CACNA1D: variants seen among roughly 807,000 people sequenced by gnomAD.
CACNA1D encodes voltage-dependent L-type calcium channel subunit alpha-1D.
A neutral mutation model predicts 257.1 loss-of-function variants in CACNA1D; 55 were observed. The observed-to-expected ratio is 0.21, with a 90% CI of 0.17 to 0.27. CACNA1D has a LOEUF of 0.27. CACNA1D is among the 10% of genes least tolerant of loss of function. The pLI is 1.00. For missense variants in CACNA1D, 1,876 were observed against 2,784.0 expected (o/e 0.67, Z 7.34); for synonymous variants, 980 against 1,014.9 (o/e 0.97, Z 0.65).
intron 3 of CACNA1D, among the ~76,000 whole-genome samples, chr3:53,604,352 G>A (rs949367742): frequency 1.3e-5 from 2 of 152,200 alleles, no homozygotes; most frequent in Admixed American, 1.3e-4. Flanking sequence ...CCAGCAGATG[G>A]GGAGTGGAGC....
intron 12 of CACNA1D, among the ~76,000 whole-genome samples, 154 bp downstream of exon 12, chr3:53,722,628 C>A (rs2094893722): frequency 6.6e-6 from 1 of 152,200 alleles, no homozygotes; most frequent in Admixed American, 6.5e-5. Context: ...CAGCAACTAC[C>A]AGAGCGAGGG....
At chr3:53,671,189 TGTTA>T (rs2108398746) in intron 7 of CACNA1D, among the ~76,000 whole-genome samples, 1 of 152,344 alleles carries the variant, frequency 6.6e-6, no homozygotes, top group African/African-American at 2.4e-5. Flanking sequence ...AGAAGACAGC[TGTTA>T]CTAGAGCCAT....
chr3:53,693,486 T>C (rs2108537730), intron 8 of CACNA1D, among the ~76,000 whole-genome samples: 1 of 151,544 alleles, frequency 6.6e-6, no homozygotes, highest in South Asian at 2.1e-4. Flanking sequence ...TTTTACAAAA[T>C]TCCTAGTTTC....
chr3:53,786,760 G>A (rs1319415591), intron 39 of CACNA1D, 62 bp from the exon 40 acceptor site: 1 of 971,076 alleles, frequency 1.0e-6, no homozygotes, highest in African/African-American at 1.9e-5. Context: ...CCAGAAGCAA[G>A]TGTTTAGGCT....
At chr3:53,551,857 C>G (rs2092542034) in intron 3 of CACNA1D, among the ~76,000 whole-genome samples, 1 of 152,212 alleles carries the variant, frequency 6.6e-6, no homozygotes, top group Non-Finnish European at 1.5e-5. Flanking sequence ...TGTGCAGCAG[C>G]TGATGGTGAG....
intron 42 of CACNA1D, 133 bp from the exon 43 acceptor site, chr3:53,802,014 C>A: frequency 1.2e-6 from 1 of 804,216 alleles, no homozygotes; most frequent in Non-Finnish European, 2.3e-6. Flanking sequence ...CAGGTGGCAG[C>A]CCCTATGTGG....
chr3:53,681,835 C>A (rs1246301741), intron 8 of CACNA1D, among the ~76,000 whole-genome samples: 1 of 152,162 alleles, frequency 6.6e-6, no homozygotes, highest in Non-Finnish European at 1.5e-5. Flanking sequence ...GAGTAGTCCA[C>A]ATATCCAGGC....
chr3:53,589,865 T>G (rs2093277115), intron 3 of CACNA1D, among the ~76,000 whole-genome samples: 1 of 152,280 alleles, frequency 6.6e-6, no homozygotes, highest in South Asian at 2.1e-4. Context: ...CACTTCCACT[T>G]GCATACCCTG....
intron 3 of CACNA1D, among the ~76,000 whole-genome samples, chr3:53,517,930 A>G (rs966435609): frequency 6.6e-6 from 1 of 152,210 alleles, no homozygotes; most frequent in Non-Finnish European, 1.5e-5. Context: ...TAGGCAAGCA[A>G]ATGTTATTTC....
At chr3:53,760,192 C>A (rs1230463556) in intron 29 of CACNA1D, among the ~76,000 whole-genome samples, 1 of 152,084 alleles carries the variant, frequency 6.6e-6, no homozygotes, top group Non-Finnish European at 1.5e-5. Flanking sequence ...AAGAAGCAAA[C>A]CCGAAGTCAG....
chr3:53,513,974 C>A (rs1199039582), intron 3 of CACNA1D, among the ~76,000 whole-genome samples: 1 of 152,166 alleles, frequency 6.6e-6, no homozygotes, highest in Non-Finnish European at 1.5e-5. Flanking sequence ...TGTGTAAGTA[C>A]ACTCCGTGTT....
intron 8 of CACNA1D, among the ~76,000 whole-genome samples, chr3:53,688,420 G>T (rs2094492110): frequency 6.6e-6 from 1 of 152,182 alleles, no homozygotes; most frequent in Non-Finnish European, 1.5e-5. Context: ...TCCAAATCAA[G>T]GCTTTTTCTT....
At chr3:53,639,872 T>C (rs1438276754) in intron 3 of CACNA1D, among the ~76,000 whole-genome samples, 4 of 148,280 alleles carry the variant, frequency 2.7e-5, no homozygotes, top group Non-Finnish European at 4.5e-5. Context: ...TTTTTTTTTT[T>C]TTTTTTTTTG....
At chr3:53,501,764 C>T (rs747506509) in intron 3 of CACNA1D, 44 bp downstream of exon 3, 1 of 1,095,930 alleles carries the variant, frequency 9.1e-7, no homozygotes, top group Non-Finnish European at 1.4e-6. Flanking sequence ...ATATGGTTAT[C>T]ATTTGCTTCT....
intron 26 of CACNA1D, among the ~76,000 whole-genome samples, chr3:53,748,331 C>T (rs545564079): frequency 1.1e-4 from 17 of 152,242 alleles, no homozygotes; most frequent in African/African-American, 4.1e-4. Flanking sequence ...GGCTGGGGCT[C>T]GCAGGCCAGC....
At chr3:53,668,511 T>A (rs377271604) in intron 7 of CACNA1D, among the ~76,000 whole-genome samples, 1 of 152,194 alleles carries the variant, frequency 6.6e-6, no homozygotes, top group Non-Finnish European at 1.5e-5. Flanking sequence ...GCATCTTTAT[T>A]CTGGTGGGGA....
chr3:53,802,516 G>A (rs2095541418), intron 43 of CACNA1D, among the ~76,000 whole-genome samples: 1 of 152,222 alleles, frequency 6.6e-6, no homozygotes, highest in Non-Finnish European at 1.5e-5. Context: ...TGCTCTCTGG[G>A]GTCAAGCTTC....
chr3:53,523,032 C>T (rs1168404917), intron 3 of CACNA1D, among the ~76,000 whole-genome samples: 1 of 152,142 alleles, frequency 6.6e-6, no homozygotes, highest in African/African-American at 2.4e-5. Context: ...CTTTCTGTGC[C>T]TGGCTTATTT....
intron 9 of CACNA1D, among the ~76,000 whole-genome samples, chr3:53,707,302 GCT>G (rs1327147731): frequency 1.3e-5 from 2 of 152,012 alleles, no homozygotes; most frequent in African/African-American, 4.8e-5. Context: ...GCCAGGGGTG[GCT>G]CTTTTTCATT....
Sources: gnomAD v4.1 joint callset for allele counts (sites outside exome capture counted in the v4.1 genomes callset) on GRCh38, gnomAD v4.1.1 for gene constraint, MANE v1.5 for transcripts, NCBI Gene and HGNC (gene_info 2026-07-23, HGNC 2026-07-21) for gene names.